Variants in CNTNAP5 observed in about 807,000 individuals in gnomAD.
CNTNAP5 encodes the protein contactin associated protein family member 5.
Under a neutral mutation model 150.2 loss-of-function variants are expected in CNTNAP5, and 72 were observed. The observed-to-expected ratio is 0.48, with a 90% CI of 0.40 to 0.58. The LOEUF (loss-of-function observed/expected upper bound fraction) is 0.58. Among genes scored for constraint, CNTNAP5 ranks in the 20% least tolerant of loss-of-function variants. The pLI, the probability that CNTNAP5 is intolerant of heterozygous loss-of-function variation, is 0.00. For synonymous variants in CNTNAP5, 672 were observed against 619.8 expected (o/e 1.08, Z -1.25); for missense variants, 1,636 against 1,626.2 (o/e 1.01, Z -0.10).
At chr2:124,464,402 A>G (rs1693328157) in intron 6 of CNTNAP5, among the ~76,000 whole-genome samples, 1 of 152,218 alleles carries the variant, frequency 6.6e-6, no homozygotes. Flanking sequence ...CTTGTGAAAT[A>G]ATAGATTGTA....
In CNTNAP5 at chr2:124,042,787, T is replaced by TATCTATCC. The variant is rs529851015; in HGVS notation, c.82+17062_82+17063insCATCTATC. Among the ~76,000 whole-genome samples the TATCTATCC allele has an allele frequency of 1.4e-3, 118 of 86,994 alleles. 1 individual carries two copies. The highest frequency in any genetic ancestry group is 5.8e-3 in the African/African-American group (114 of 19,552). The allele number at this position is 86,994 out of a possible 152,430, so 57.1% of individuals were successfully genotyped here. A position where few individuals can be genotyped will look rare whatever the true frequency, so the allele number is the denominator to read the frequency against. On this transcript the variant is annotated intron_variant, in intron 1 of 23. Coordinates refer to ENST00000682447, the MANE Select transcript of CNTNAP5 (RefSeq NM_001367498.1). ...TGCATAAGCGTAACTCTCTATCATCTATCTATCTATCTATCTATCTATCTA... is the reference window on the plus strand; with the variant it reads ...TGCATAAGCGTAACTCTCTATCATCTATCTATCCATCTATCTATCTATCTATCTATCTA...
chr2:124,589,339 T>A (rs1336715268), intron 11 of CNTNAP5, among the ~76,000 whole-genome samples: 1 of 152,208 alleles, frequency 6.6e-6, no homozygotes, highest in Non-Finnish European at 1.5e-5. Context: ...TTTCACGATT[T>A]ATCTGTGTTG....
At chr2:124,030,348 T>G (rs62161931) in intron 1 of CNTNAP5, among the ~76,000 whole-genome samples, 491 of 152,284 alleles carry the variant, frequency 3.2e-3, no homozygotes, top group Non-Finnish European at 5.8e-3. Flanking sequence ...GCAGTACAGC[T>G]AGGTATACTT....
intron 12 of CNTNAP5, among the ~76,000 whole-genome samples, chr2:124,615,350 T>G (rs907154019): frequency 6.6e-6 from 1 of 152,248 alleles, no homozygotes; most frequent in Non-Finnish European, 1.5e-5. Flanking sequence ...GCTTGTGGAA[T>G]ATTCTAAACC....
intron 21 of CNTNAP5, among the ~76,000 whole-genome samples, chr2:124,881,072 A>G (rs946098037): frequency 6.6e-6 from 1 of 152,162 alleles, no homozygotes; most frequent in African/African-American, 2.4e-5. Flanking sequence ...AAACAAGAAC[A>G]GTCCATTGGG....
chr2:124,317,329 A>G (rs575049198), intron 3 of CNTNAP5, among the ~76,000 whole-genome samples: 4 of 152,296 alleles, frequency 2.6e-5, no homozygotes, highest in African/African-American at 9.6e-5. Flanking sequence ...TGTTACCAAT[A>G]CAAAAACTAA....
intron 3 of CNTNAP5, among the ~76,000 whole-genome samples, chr2:124,392,445 A>C (rs954574448): frequency 2.1e-4 from 32 of 152,258 alleles, no homozygotes; most frequent in African/African-American, 7.0e-4. Flanking sequence ...CTCCGAAAGT[A>C]AGTTGACAAA....
At chr2:124,778,136 T>A (rs2104617253) in intron 17 of CNTNAP5, among the ~76,000 whole-genome samples, 1 of 152,250 alleles carries the variant, frequency 6.6e-6, no homozygotes, top group South Asian at 2.1e-4. Context: ...AGGAAAGAAA[T>A]CAGGCTGCCC....
At chr2:124,908,600 G>A (rs552730484) in intron 22 of CNTNAP5, among the ~76,000 whole-genome samples, 112 of 152,172 alleles carry the variant, frequency 7.4e-4, no homozygotes, top group African/African-American at 2.6e-3. Flanking sequence ...TTATCCACAT[G>A]TTTGTGGTGA....
intron 13 of CNTNAP5, among the ~76,000 whole-genome samples, chr2:124,665,606 G>A (rs1678681588): frequency 6.6e-6 from 1 of 152,278 alleles, no homozygotes; most frequent in South Asian, 2.1e-4. Context: ...AAAAATATTG[G>A]CCAGGCGTGG....
At chr2:124,832,691 C>T (rs1047751509) in intron 19 of CNTNAP5, among the ~76,000 whole-genome samples, 28 of 151,898 alleles carry the variant, frequency 1.8e-4, no homozygotes, top group Admixed American at 1.5e-3. Flanking sequence ...GAGAACTTGC[C>T]AAGTTGTGTA....
intron 19 of CNTNAP5, among the ~76,000 whole-genome samples, chr2:124,811,771 T>C (rs571245348): frequency 2.0e-5 from 3 of 148,834 alleles, no homozygotes; most frequent in Non-Finnish European, 4.4e-5. Context: ...AAAAACCCCA[T>C]CTGTACTAAA....
intron 19 of CNTNAP5, among the ~76,000 whole-genome samples, chr2:124,837,397 TAC>T (rs1682853721): frequency 6.6e-6 from 1 of 152,112 alleles, no homozygotes; most frequent in African/African-American, 2.4e-5. Flanking sequence ...AAACATGGAC[TAC>T]AACTATAATT....
At chr2:124,742,625 GACACACACAC>G (rs3042996) in intron 13 of CNTNAP5, among the ~76,000 whole-genome samples, 1 of 148,150 alleles carries the variant, frequency 6.7e-6, no homozygotes, top group Non-Finnish European at 1.5e-5. Context: ...TACACGCACA[GACACACACAC>G]ACACACACAC....
In CNTNAP5 at chr2:124,741,320, G is replaced by C. The variant is rs188230533; in HGVS notation, c.2078-5909G>C. On this transcript the variant is annotated intron_variant, in intron 13 of 23. Transcript: ENST00000682447. ...TTTGCTTGGACTGTTCATAGCAACG[G>C]GAAGAGGCCAGATTCTCTTGGCCGT... Among the ~76,000 whole-genome samples the C allele has an allele frequency of 2.4e-3, 363 of 152,228 alleles. 1 individual carries two copies. Among genetic ancestry groups the C allele is most frequent in the Middle Eastern group, 6.8e-3 (2 of 294 alleles).
At chr2:124,812,676 A>G (rs1682262860) in intron 19 of CNTNAP5, among the ~76,000 whole-genome samples, 1 of 152,160 alleles carries the variant, frequency 6.6e-6, no homozygotes, top group Non-Finnish European at 1.5e-5. Context: ...TCTTTCAAAC[A>G]GTCTGAAAAA....
intron 12 of CNTNAP5, among the ~76,000 whole-genome samples, chr2:124,639,457 G>A (rs556481063): frequency 6.6e-6 from 1 of 152,128 alleles, no homozygotes; most frequent in Non-Finnish European, 1.5e-5. Flanking sequence ...CTCACCCTTA[G>A]AGAAGGCGTC....
At chr2:124,089,022 T>C (rs544439622) in intron 1 of CNTNAP5, among the ~76,000 whole-genome samples, 1 of 152,302 alleles carries the variant, frequency 6.6e-6, no homozygotes, top group Non-Finnish European at 1.5e-5. Context: ...GGGGCACTTT[T>C]CATCTACCTC....
rs1033011058 is a variant in CNTNAP5, at chr2:124,833,390, T to C, written c.3218-31916T>C. On this transcript the variant is annotated intron_variant, in intron 19 of 23. Transcript: ENST00000682447. ...GGAGATGCAGGGGCTTTAAGGGCCA[T>C]GCTGGTACCAAGGCTCTGGGTCCCC... 7.9e-5 allele frequency among the ~76,000 whole-genome samples: 12 copies of C among 152,290 alleles called. No homozygotes were observed. In the East Asian group the frequency reaches 1.7e-3, roughly 22 times the overall value.
Sources: allele counts gnomAD v4.1 joint callset (sites outside exome capture counted in the v4.1 genomes callset), GRCh38; gene constraint gnomAD v4.1.1; transcripts MANE v1.5; gene names NCBI Gene and HGNC (gene_info 2026-07-23, HGNC 2026-07-21).